TBC1D9B: variants seen among roughly 807,000 people sequenced by gnomAD.
The protein encoded by TBC1D9B is TBC1 domain family, member 9B (with GRAM domain).
TBC1D9B carries 87 observed loss-of-function variants against 121.1 expected under a neutral mutation model. The observed-to-expected ratio is 0.72, with a 90% CI of 0.60 to 0.86. TBC1D9B has a LOEUF of 0.86. Ranked by LOEUF, TBC1D9B falls within the 40% of genes least tolerant of loss-of-function variation. The pLI, the probability that TBC1D9B is intolerant of heterozygous loss-of-function variation, is 0.00. For missense variants in TBC1D9B, 1,540 were observed against 1,628.6 expected (o/e 0.95, Z 0.94); for synonymous variants, 668 against 670.1 (o/e 1.00, Z 0.05).
Position 179,907,752 on chromosome 5 carries a change from A to G in TBC1D9B, c.70T>C (p.Phe24Leu). The change falls in exon 1 of 21, where the codon TTC (phenylalanine) becomes CTC (leucine). Residue 24 changes from phenylalanine to leucine, a missense_variant. Phe to Leu is a conservative substitution (Grantham distance 22). Coordinates refer to ENST00000355235, the MANE Select transcript of TBC1D9B (RefSeq NM_015043.4). This position sits in a 1 kb window ranked among gnomAD's most constrained non-coding sequence, Gnocchi z 5.3. ...LWVTERANPF[F>L]VLQRRRGHGR... is the part of the protein sequence containing the mutation. The stretch of plus-strand genomic sequence containing the variant: ...TGGCCCCGGCGTCGCTGCAGCACGA[A>G]GAAGGGGTTGGCCCGCTCCGTCACC... 8.3e-7 allele frequency: 1 copy of G among 1,207,924 alleles called. No individual in the cohort carries two copies. The highest frequency in any genetic ancestry group is 1.1e-6 in the Non-Finnish European group (1 of 945,444). 74.8% of individuals were successfully genotyped at this position (1,207,924 alleles called of 1,614,324 possible).
chr5:179,899,151 G>C (rs1294860736), intron 3 of TBC1D9B, 38 bp downstream of exon 3: 14 of 1,539,450 alleles, frequency 9.1e-6, no homozygotes, highest in Non-Finnish European at 1.3e-5. Context: ...CTGCTGGCCA[G>C]GGAAGGGTGA....
chr5:179,907,053 A>G lies in TBC1D9B; in HGVS notation c.118+651T>C, dbSNP rs570239644. ...TGCCTGTCCAGCTTCATCCTGTGTGATGGTGGCACCCGGGCCCACAAAGGG... is the reference window on the plus strand; with the variant it reads ...TGCCTGTCCAGCTTCATCCTGTGTGGTGGTGGCACCCGGGCCCACAAAGGG... On this transcript the variant is annotated intron_variant, in intron 1 of 20. Transcript: ENST00000355235. The surrounding 1 kb of genome is among the most constrained non-coding windows in gnomAD (Gnocchi z 5.3). Among the ~76,000 whole-genome samples, 1 of 152,200 alleles carries G rather than the reference A, an allele frequency of 6.6e-6. No homozygotes were observed. Among genetic ancestry groups the G allele is most frequent in the Admixed American group, 6.5e-5 (1 of 15,298 alleles).
At position 179,879,774 on chromosome 5, in the gene TBC1D9B, G is replaced by A. The variant is rs1760480235; in HGVS notation, c.1270C>T (p.Gln424Ter). ...CTGGCGGGCTGCTCCGACCCCTCCTGAGGAGCTGGGGAAGACTAGAAAATA... is the reference window on the plus strand; with the variant it reads ...CTGGCGGGCTGCTCCGACCCCTCCTAAGGAGCTGGGGAAGACTAGAAAATA... ...DPSTESSPAP[Q>*]EGSEQPASPA... Residue 424 changes from glutamine to a stop codon, truncating the protein, a stop_gained, in exon 8 of 21, where the codon CAG becomes TAG. Transcript: ENST00000355235. LOFTEE classifies it high-confidence loss of function. 11 of 1,612,302 alleles carry A rather than the reference G, an allele frequency of 6.8e-6. No homozygotes were observed. The highest frequency in any genetic ancestry group is 8.5e-6 in the Non-Finnish European group (10 of 1,179,218).
intron 20 of TBC1D9B, among the ~76,000 whole-genome samples, chr5:179,864,641 G>A (rs1438220036): frequency 6.6e-6 from 1 of 152,162 alleles, no homozygotes; most frequent in Admixed American, 6.5e-5. Flanking sequence ...ACACGTCTAG[G>A]CCTCCTGGCC....
chr5:179,864,307 C>T (rs775235750), intron 20 of TBC1D9B, among the ~76,000 whole-genome samples, 179 bp from the exon 21 acceptor site: 4 of 152,152 alleles, frequency 2.6e-5, no homozygotes, highest in Non-Finnish European at 5.9e-5. Flanking sequence ...AGAGAGGCCA[C>T]ACAGCTCTTC....
rs1319292430 is a variant in TBC1D9B, at chr5:179,875,928, C to T, written c.1892G>A (p.Arg631Lys). 1 of 1,606,424 alleles carries T rather than the reference C, an allele frequency of 6.2e-7. No homozygotes were observed. ...CACCCGGGGACACTCACCCACCACC[C>T]TGGTGTTGTAGTAGTCGGGCAGCAT... ...ERMLPDYYNT[R>K]VVGALVDQGI... The change falls in exon 11 of 21, where the codon AGG becomes AAG. Residue 631 changes from arginine (R) to lysine (K), a missense_variant. By Grantham distance (26) the Arg-to-Lys change is conservative (BLOSUM62 2). Transcript: ENST00000355235. The surrounding 1 kb of genome is among the most constrained non-coding windows in gnomAD (Gnocchi z 4.5).
chr5:179,887,835 G>C (rs1459430695), intron 7 of TBC1D9B: 1 of 530,986 alleles, frequency 1.9e-6, no homozygotes, highest in South Asian at 2.3e-5. Flanking sequence ...CAGCAATGCA[G>C]AAAGGACAGC....
At chr5:179,886,902 G>A (rs901404173) in intron 7 of TBC1D9B, among the ~76,000 whole-genome samples, 2 of 152,240 alleles carry the variant, frequency 1.3e-5, no homozygotes, top group South Asian at 4.1e-4. Flanking sequence ...GACTCTCAGG[G>A]CTAGACCAGA....
Position 179,882,217 on chromosome 5 carries a change from T to C in TBC1D9B, c.1255-2428A>G, listed in dbSNP as rs1421651172. On this transcript the variant is annotated intron_variant, in intron 7 of 20. Transcript: ENST00000355235. ...GCCTCGGCCTCCCAAAGTGTTGGGA[T>C]TACAGGCATGAGCCATCAAGCCCAG... is the stretch of plus-strand genomic sequence containing the variant. Among the ~76,000 whole-genome samples, 3 of 152,328 alleles carry C rather than the reference T, an allele frequency of 2.0e-5. No individual in the cohort carries two copies. In the Middle Eastern group the frequency reaches 0.01, roughly 518 times the overall value.
In TBC1D9B at chr5:179,870,426, G is replaced by A. The variant is rs1760156100; in HGVS notation, c.2554C>T (p.Pro852Ser). ...TMAGRRDPSL[P>S]YLEQYRIDAS... ...TCAATCCGGTACTGCTCCAGGTAGG[G>A]CAGGCTGGGGTCCCGACGGCCGGCC... The change falls in exon 16 of 21, where the codon CCC (proline) becomes TCC (serine). Residue 852 changes from proline (P) to serine (S), a missense_variant. Transcript: ENST00000355235. 11 of 1,613,474 alleles carry A rather than the reference G, an allele frequency of 6.8e-6. No individual in the cohort carries two copies. Among genetic ancestry groups the A allele is most frequent in the Non-Finnish European group, 8.5e-6 (10 of 1,180,024 alleles).
At position 179,891,712 on chromosome 5, in the gene TBC1D9B, C is replaced by A; in HGVS notation, c.837-126G>T. The A allele has an allele frequency of 9.6e-7, 1 of 1,037,200 alleles. No homozygotes were observed. Among genetic ancestry groups the A allele is most frequent in the East Asian group, 2.5e-5 (1 of 39,450 alleles). 64.2% of individuals were successfully genotyped at this position (1,037,200 alleles called of 1,614,324 possible). A position where few individuals can be genotyped will look rare whatever the true frequency, so the allele number is the denominator to read the frequency against. ...AGATTCAGGATCCCTGGGGTGGTCC[C>A]TTGAGCAAGTCATGCTCAGGGACCT... On this transcript the variant is annotated intron_variant, in intron 5 of 20. Transcript: ENST00000355235. The surrounding 1 kb of genome is among the most constrained non-coding windows in gnomAD (Gnocchi z 4.3).
Position 179,890,355 on chromosome 5 carries a change from C to T in TBC1D9B, c.1044+1024G>A, listed in dbSNP as rs748945342. Among the ~76,000 whole-genome samples, 118 of 152,290 alleles carry T rather than the reference C, an allele frequency of 7.7e-4. No homozygotes were observed. The highest frequency in any genetic ancestry group is 3.4e-3 in the Middle Eastern group (1 of 294). On this transcript the variant is annotated intron_variant, in intron 6 of 20. Transcript: ENST00000355235. The surrounding 1 kb of genome is among the most constrained non-coding windows in gnomAD (Gnocchi z 5.0). ...TCTACCATCTGAGATGTCAAGGGCC[C>T]GGCAGGAGAAATCCAAACGGAGCCT...
In TBC1D9B at chr5:179,865,093, G is replaced by C. The variant is rs1759968429; in HGVS notation, c.3021+161C>G. 6.6e-6 allele frequency among the ~76,000 whole-genome samples: 1 copy of C among 152,192 alleles called. No homozygotes were observed. The highest frequency in any genetic ancestry group is 1.5e-5 in the Non-Finnish European group (1 of 68,026). On this transcript the variant is annotated intron_variant, in intron 20 of 20. Transcript: ENST00000355235. The surrounding 1 kb of genome is among the most constrained non-coding windows in gnomAD (Gnocchi z 5.1). ...GGAGCAACTGGCCTCTTGTCTTTCT[G>C]GAATCATCGCTGACTGGCAACCAGG...
intron 7 of TBC1D9B, chr5:179,880,063 TGGGGCCC>T: frequency 1.9e-6 from 1 of 529,212 alleles, no homozygotes. Context: ...GCTCACCCTG[TGGGGCCC>T]TTTTCTGAGG....
rs1036991041 is a variant in TBC1D9B, at chr5:179,863,304, C to G, written c.*144G>C. On this transcript the variant is annotated 3_prime_UTR_variant, in exon 21 of 21. Coordinates refer to ENST00000355235, the MANE Select transcript of TBC1D9B (RefSeq NM_015043.4). The surrounding 1 kb of genome is among the most constrained non-coding windows in gnomAD (Gnocchi z 4.5). ...TCTAAGGCAGCTGGGTCTGCACCAGCCTTCTTTCCACTCACAACTCACTGC... is the reference window on the plus strand; with the variant it reads ...TCTAAGGCAGCTGGGTCTGCACCAGGCTTCTTTCCACTCACAACTCACTGC... The G allele has an allele frequency of 2.4e-5, 23 of 968,722 alleles. No individual in the cohort carries two copies. The highest frequency in any genetic ancestry group is 3.3e-4 in the Middle Eastern group (1 of 3,030). 60.0% of individuals were successfully genotyped at this position (968,722 alleles called of 1,614,324 possible). A position where few individuals can be genotyped will look rare whatever the true frequency, so the allele number is the denominator to read the frequency against.
intron 4 of TBC1D9B, among the ~76,000 whole-genome samples, chr5:179,893,775 C>T (rs114222083): frequency 0.015 from 2,356 of 152,064 alleles, 25 homozygotes; most frequent in Non-Finnish European, 0.024. Flanking sequence ...TGGGAGCGCA[C>T]GGAGGTGTGA....
intron 9 of TBC1D9B, 70 bp downstream of exon 9, chr5:179,878,977 G>A (rs931848709): frequency 2.3e-5 from 35 of 1,553,848 alleles, no homozygotes; most frequent in African/African-American, 6.7e-5. Flanking sequence ...CAGGACAGAC[G>A]AGCTCACACG....
rs754309643 is a variant in TBC1D9B, at chr5:179,863,854, T to C, written c.3296A>G (p.His1099Arg). The change falls in exon 21 of 21, where the codon CAC becomes CGC. Residue 1099 changes from histidine (H) to arginine (R), a missense_variant. Coordinates refer to ENST00000355235, the MANE Select transcript of TBC1D9B (RefSeq NM_015043.4). This position sits in a 1 kb window ranked among gnomAD's most constrained non-coding sequence, Gnocchi z 4.5. ...DPQAKAGGDT[H>R]LGKAPQESQV... ...GCTCTCCTGTGGGGCTTTTCCGAGGTGTGTGTCTCCGCCTGCTTTGGCTTG... is the reference window on the plus strand; with the variant it reads ...GCTCTCCTGTGGGGCTTTTCCGAGGCGTGTGTCTCCGCCTGCTTTGGCTTG... 1.2e-6 allele frequency: 2 copies of C among 1,613,154 alleles called. No homozygotes were observed. Among genetic ancestry groups the C allele is most frequent in the South Asian group, 1.1e-5 (1 of 91,060 alleles).
In TBC1D9B at chr5:179,866,222, A is replaced by T. The variant is rs544088928; in HGVS notation, c.2864-334T>A. On this transcript the variant is annotated intron_variant, in intron 18 of 20. Coordinates refer to ENST00000355235, the MANE Select transcript of TBC1D9B (RefSeq NM_015043.4). The stretch of plus-strand genomic sequence containing the variant: ...TATAGACCAGTCTGAGGACTAACGA[A>T]TTCTATAGTTCCTGCTAGAACTCTG... 9.1e-5 allele frequency: 23 copies of T among 251,950 alleles called. 1 individual carries two copies. The South Asian group carries it at 1.2e-3, about 13-fold the overall frequency. The allele number at this position is 251,950 out of a possible 1,614,324, so 15.6% of individuals were successfully genotyped here. A position where few individuals can be genotyped will look rare whatever the true frequency, so the allele number is the denominator to read the frequency against.
Sources: allele counts gnomAD v4.1 joint callset (sites outside exome capture counted in the v4.1 genomes callset), GRCh38; gene constraint gnomAD v4.1.1; non-coding constraint Gnocchi (gnomAD v3.1); transcripts MANE v1.5; gene names NCBI Gene and HGNC (gene_info 2026-07-23, HGNC 2026-07-21).